The following TM4SF4 variants were observed in gnomAD, a reference collection of about 807,000 sequenced individuals.
TM4SF4 encodes the protein transmembrane 4 L6 family member 4.
Under a neutral mutation model 24.1 loss-of-function variants are expected in TM4SF4, and 24 were observed. The ratio of observed to expected loss-of-function variants is 1.00; its 90% CI spans 0.72 to 1.40. The LOEUF is 1.40. Among genes scored for constraint, TM4SF4 ranks in the 40% most tolerant of loss-of-function variants. TM4SF4 has a pLI of 0.00. For missense variants in TM4SF4, 254 were observed against 254.2 expected (o/e 1.00, Z 0.01); for synonymous variants, 113 against 97.0 (o/e 1.17, Z -0.97).
chr3:149,476,091 A>C (rs139372803), intron 2 of TM4SF4, among the ~76,000 whole-genome samples, 179 bp downstream of exon 2: 12 of 152,376 alleles, frequency 7.9e-5, no homozygotes, highest in Non-Finnish European at 1.5e-4. Flanking sequence ...TTTCCAAAAT[A>C]CCATAGCCCT....
chr3:149,500,080 T>C (rs112187715), intron 4 of TM4SF4, among the ~76,000 whole-genome samples: 3,507 of 152,256 alleles, frequency 0.023, 73 homozygotes, highest in Non-Finnish European at 0.032. Context: ...ATATAGCTTG[T>C]CACAGTATCT....
intron 3 of TM4SF4, among the ~76,000 whole-genome samples, chr3:149,493,383 G>GT (rs1318210988): frequency 2.0e-5 from 3 of 152,190 alleles, no homozygotes; most frequent in Non-Finnish European, 2.9e-5. Flanking sequence ...GGGCATTTGT[G>GT]TAATGGGTCA....
At chr3:149,484,345 A>C (rs13061914) in intron 2 of TM4SF4, among the ~76,000 whole-genome samples, 61,707 of 151,936 alleles carry the variant, frequency 0.41, 13,006 homozygotes, top group Non-Finnish European at 0.47. Flanking sequence ...ATTATAAACA[A>C]GAAGTGTGCT....
intron 2 of TM4SF4, among the ~76,000 whole-genome samples, chr3:149,485,682 T>C: frequency 6.6e-6 from 1 of 152,112 alleles, no homozygotes; most frequent in South Asian, 2.1e-4. Flanking sequence ...TAGTCCTAGC[T>C]CCTTAGGAGA....
At chr3:149,499,372 C>T (rs1734374353) in intron 4 of TM4SF4, among the ~76,000 whole-genome samples, 1 of 152,062 alleles carries the variant, frequency 6.6e-6, no homozygotes, top group Admixed American at 6.6e-5. Flanking sequence ...GATATGATTT[C>T]TGATACAGAA....
At chr3:149,499,694 A>G (rs1232151246) in intron 4 of TM4SF4, among the ~76,000 whole-genome samples, 1 of 152,100 alleles carries the variant, frequency 6.6e-6, no homozygotes, top group Non-Finnish European at 1.5e-5. Flanking sequence ...ACTTTAAAAG[A>G]CTCAAATTAT....
chr3:149,478,869 T>C (rs1279663055), intron 2 of TM4SF4, among the ~76,000 whole-genome samples: 1 of 152,218 alleles, frequency 6.6e-6, no homozygotes, highest in African/African-American at 2.4e-5. Context: ...GTACAAGCAA[T>C]TCTCCTGCCT....
chr3:149,495,043 G>T, intron 3 of TM4SF4: 1 of 245,226 alleles, frequency 4.1e-6, no homozygotes, highest in South Asian at 6.5e-5. Flanking sequence ...GCAGACCCAT[G>T]AACATGCCCT....
At chr3:149,476,694 C>T (rs527377721) in intron 2 of TM4SF4, among the ~76,000 whole-genome samples, 1 of 152,158 alleles carries the variant, frequency 6.6e-6, no homozygotes, top group African/African-American at 2.4e-5. Context: ...CATAGAATGT[C>T]ATTCCCATTC....
At chr3:149,487,145 C>T (rs1432391718) in intron 2 of TM4SF4, among the ~76,000 whole-genome samples, 1 of 152,166 alleles carries the variant, frequency 6.6e-6, no homozygotes, top group East Asian at 1.9e-4. Flanking sequence ...ACCCCAGCTA[C>T]TCAGGAGGCT....
rs74906393 is a variant in TM4SF4 at position 149,481,621 on chromosome 3, A to G, written c.264+5709A>G. 9.7e-3 allele frequency among the ~76,000 whole-genome samples: 1,484 copies of G among 152,290 alleles called. 25 individuals are homozygous for G. The highest frequency in any genetic ancestry group is 0.034 in the African/African-American group (1,409 of 41,562). The stretch of plus-strand genomic sequence containing the variant: ...GGAGGAATGTCCATGCCCTAAGGAC[A>G]TGCTTTGGCCAACATAAGCACCTAC... On this transcript the variant is annotated intron_variant, in intron 2 of 4. Coordinates refer to ENST00000305354, the MANE Select transcript of TM4SF4 (RefSeq NM_004617.4).
intron 2 of TM4SF4, among the ~76,000 whole-genome samples, chr3:149,487,008 C>A (rs953147218): frequency 3.3e-5 from 5 of 152,216 alleles, no homozygotes; most frequent in African/African-American, 1.2e-4. Flanking sequence ...AATCCCAGCA[C>A]TTTGGGAGGC....
At chr3:149,488,502 T>C (rs943251997) in intron 3 of TM4SF4, among the ~76,000 whole-genome samples, 1 of 152,222 alleles carries the variant, frequency 6.6e-6, no homozygotes, top group Admixed American at 6.5e-5. Flanking sequence ...CCTCCTGTCC[T>C]GCACTGACCA....
chr3:149,483,344 T>TA (rs1325814093), intron 2 of TM4SF4, among the ~76,000 whole-genome samples: 2 of 152,126 alleles, frequency 1.3e-5, no homozygotes, highest in Non-Finnish European at 2.9e-5. Context: ...GATGGCTCAG[T>TA]AATCCCAGTA....
rs904765793 is a variant in TM4SF4, at chr3:149,499,987, T to TG, written c.591+1078dup. On this transcript the variant is annotated intron_variant, in intron 4 of 4. Transcript: ENST00000305354. ...AGAGAAATATATAAAGGTATTCAGT[T>TG]GGAAAGTCTCCCTCCGGCCTTTGTC... Among the ~76,000 whole-genome samples the TG allele has an allele frequency of 2.9e-4, 44 of 152,336 alleles. 1 individual carries two copies. The highest frequency in any genetic ancestry group is 2.4e-3 in the Admixed American group (37 of 15,296).
chr3:149,487,507 CT>C, intron 2 of TM4SF4, 111 bp from the exon 3 acceptor site: 1 of 1,342,958 alleles, frequency 7.4e-7, no homozygotes. Flanking sequence ...AGACTAGCTC[CT>C]ACTCCATAAC....
intron 3 of TM4SF4, among the ~76,000 whole-genome samples, chr3:149,491,894 C>T (rs1734217343): frequency 6.6e-6 from 1 of 152,126 alleles, no homozygotes; most frequent in African/African-American, 2.4e-5. Context: ...GTGGCAGAAG[C>T]TCAGTGTGAA....
chr3:149,476,895 G>C (rs1733942319), intron 2 of TM4SF4, among the ~76,000 whole-genome samples: 4 of 146,730 alleles, frequency 2.7e-5, no homozygotes. Context: ...TGAACTTCTG[G>C]GCTCAAGTGA....
chr3:149,493,763 A>G (rs1199729189), intron 3 of TM4SF4, among the ~76,000 whole-genome samples: 1 of 152,210 alleles, frequency 6.6e-6, no homozygotes, highest in African/African-American at 2.4e-5. Flanking sequence ...CGCAGGGTCC[A>G]GGGGCTCTGT....
Sources: gnomAD v4.1 joint callset for allele counts (sites outside exome capture counted in the v4.1 genomes callset) on GRCh38, gnomAD v4.1.1 for gene constraint, MANE v1.5 for transcripts, NCBI Gene and HGNC (gene_info 2026-07-23, HGNC 2026-07-21) for gene names.